Variants in COL24A1 observed in about 807,000 individuals in gnomAD.
COL24A1 encodes collagen alpha-1(XXIV) chain.
A neutral mutation model predicts 253.9 loss-of-function variants in COL24A1; 224 were observed. The ratio of observed to expected loss-of-function variants is 0.88; its 90% CI spans 0.79 to 0.99. COL24A1 has a LOEUF of 0.99. Among genes scored for constraint, COL24A1 ranks in the 50% least tolerant of loss-of-function variants. The pLI, the probability that COL24A1 is intolerant of heterozygous loss-of-function variation, is 0.00. For missense variants in COL24A1, 2,131 were observed against 2,068.5 expected, an observed-to-expected ratio of 1.03 and a Z score of -0.59; for synonymous variants, 685 against 673.7, an observed-to-expected ratio of 1.02 and a Z score of -0.26.
At chr1:85,960,797 T>G (rs1311135473) in intron 24 of COL24A1, 1 of 161,020 alleles carries the variant, frequency 6.2e-6, no homozygotes, top group Non-Finnish European at 1.3e-5. Flanking sequence ...GGCAGGAGAA[T>G]CGCTTGAACC....
rs568420240 is a variant in COL24A1, at chr1:86,048,992, C to A, written c.1905+1132G>T. ...AAGGATCAGAAAAGGATTGTTATCA[C>A]GAACAGCAGAGTAATTAACAACGTA... On this transcript the variant is annotated intron_variant, in intron 11 of 59. Coordinates refer to ENST00000370571, the MANE Select transcript of COL24A1 (RefSeq NM_152890.7). 5.3e-5 allele frequency among the ~76,000 whole-genome samples: 8 copies of A among 152,262 alleles called. No homozygotes were observed. In the South Asian group the frequency reaches 1.7e-3, roughly 32 times the overall value.
At chr1:86,007,659 A>C (rs1243684052) in intron 19 of COL24A1, among the ~76,000 whole-genome samples, 1 of 152,226 alleles carries the variant, frequency 6.6e-6, no homozygotes, top group Non-Finnish European at 1.5e-5. Flanking sequence ...CCATGAAAAA[A>C]CATGGAGGAA....
chr1:85,958,144 A>G (rs902948519), intron 24 of COL24A1, among the ~76,000 whole-genome samples: 3 of 150,610 alleles, frequency 2.0e-5, no homozygotes, highest in South Asian at 2.1e-4. Flanking sequence ...TTTACTGCTG[A>G]AAAAAAAACA....
chr1:85,911,975 AG>A (rs1293565131), intron 24 of COL24A1, among the ~76,000 whole-genome samples: 1 of 152,184 alleles, frequency 6.6e-6, no homozygotes, highest in Non-Finnish European at 1.5e-5. Context: ...GTCTCATAAC[AG>A]GGAGACAAAA....
intron 3 of COL24A1, among the ~76,000 whole-genome samples, chr1:86,122,006 C>T (rs1460974695): frequency 6.6e-6 from 1 of 152,090 alleles, no homozygotes; most frequent in Non-Finnish European, 1.5e-5. Context: ...TTCTGAGTCA[C>T]ATCTACTTCA....
intron 3 of COL24A1, among the ~76,000 whole-genome samples, chr1:86,117,431 C>T (rs979811252): frequency 2.0e-5 from 3 of 152,230 alleles, no homozygotes; most frequent in Non-Finnish European, 4.4e-5. Context: ...TCTTCAACTT[C>T]CCAGCTTCCA....
At chr1:85,794,433 G>C (rs1670612814) in intron 47 of COL24A1, among the ~76,000 whole-genome samples, 1 of 152,068 alleles carries the variant, frequency 6.6e-6, no homozygotes, top group African/African-American at 2.4e-5. Context: ...TTGTCATTAG[G>C]GTTAACTGTA....
intron 7 of COL24A1, among the ~76,000 whole-genome samples, chr1:86,071,989 G>A (rs898590035): frequency 6.6e-6 from 1 of 152,182 alleles, no homozygotes; most frequent in East Asian, 1.9e-4. Context: ...AAGATACTAT[G>A]CTTTTCCCAC....
intron 48 of COL24A1, among the ~76,000 whole-genome samples, chr1:85,785,013 G>C (rs1669533460): frequency 6.6e-6 from 1 of 152,226 alleles, no homozygotes; most frequent in South Asian, 2.1e-4. Flanking sequence ...TTACAAGTGT[G>C]AGCCACTGTG....
chr1:86,029,308 C>G (rs1698333226), intron 14 of COL24A1, among the ~76,000 whole-genome samples: 1 of 152,172 alleles, frequency 6.6e-6, no homozygotes, highest in Non-Finnish European at 1.5e-5. Context: ...AATCTGGGCT[C>G]AAACACTTAT....
rs186858119 is a variant in COL24A1 at position 86,076,178 on chromosome 1, T to G, written c.1708-12419A>C. Among the ~76,000 whole-genome samples the G allele has an allele frequency of 5.7e-4, 87 of 152,308 alleles. 1 individual carries two copies. Among genetic ancestry groups the G allele is most frequent in the Admixed American group, 5.5e-3 (84 of 15,298 alleles). On this transcript the variant is annotated intron_variant, in intron 7 of 59. Coordinates refer to ENST00000370571, the MANE Select transcript of COL24A1 (RefSeq NM_152890.7). ...TCAGCCCCAAATCTCCTTAAGCTGATAAGCAGCTTCAGCAAAGTCTCAGGA... is the reference window on the plus strand; with the variant it reads ...TCAGCCCCAAATCTCCTTAAGCTGAGAAGCAGCTTCAGCAAAGTCTCAGGA...
chr1:85,933,243 C>G (rs555029388), intron 24 of COL24A1, among the ~76,000 whole-genome samples: 12 of 152,188 alleles, frequency 7.9e-5, no homozygotes, highest in African/African-American at 2.9e-4. Flanking sequence ...CAAAATTACT[C>G]TATTCAGTAT....
chr1:85,773,959 G>A (rs1292017982), intron 53 of COL24A1, among the ~76,000 whole-genome samples: 1 of 152,144 alleles, frequency 6.6e-6, no homozygotes, highest in Non-Finnish European at 1.5e-5. Flanking sequence ...AGTTTTCAAA[G>A]GGAATGCTTC....
At chr1:85,922,947 G>A (rs1487120235) in intron 24 of COL24A1, among the ~76,000 whole-genome samples, 2 of 151,982 alleles carry the variant, frequency 1.3e-5, no homozygotes, top group Non-Finnish European at 2.9e-5. Flanking sequence ...GATACACATA[G>A]GCTCAAAATA....
At chr1:85,923,490 C>G (rs1462744993) in intron 24 of COL24A1, among the ~76,000 whole-genome samples, 1 of 152,162 alleles carries the variant, frequency 6.6e-6, no homozygotes, top group Non-Finnish European at 1.5e-5. Context: ...ACAGTGCAAT[C>G]AAATTAGAAC....
chr1:85,901,585 G>T (rs1162654804), intron 28 of COL24A1, among the ~76,000 whole-genome samples: 2 of 151,760 alleles, frequency 1.3e-5, no homozygotes, highest in East Asian at 3.9e-4. Context: ...CAAGGCGGGT[G>T]GGATCACCTG....
chr1:85,954,884 C>T (rs909788720), intron 24 of COL24A1, among the ~76,000 whole-genome samples: 8 of 152,310 alleles, frequency 5.3e-5, no homozygotes, highest in African/African-American at 1.9e-4. Flanking sequence ...ACAGTTCTTC[C>T]TGCATGGCTG....
intron 37 of COL24A1, among the ~76,000 whole-genome samples, chr1:85,862,767 C>T (rs1679300077): frequency 6.6e-6 from 1 of 152,174 alleles, no homozygotes; most frequent in African/African-American, 2.4e-5. Flanking sequence ...TCATTTACTC[C>T]ATAATGCCAC....
intron 47 of COL24A1, among the ~76,000 whole-genome samples, chr1:85,791,672 T>A (rs1670287917): frequency 6.6e-6 from 1 of 152,194 alleles, no homozygotes; most frequent in African/African-American, 2.4e-5. Context: ...GCAATCAGTA[T>A]ATTCAATGAA....
Sources: allele counts gnomAD v4.1 joint callset (sites outside exome capture counted in the v4.1 genomes callset), GRCh38; gene constraint gnomAD v4.1.1; transcripts MANE v1.5; gene names NCBI Gene and HGNC (gene_info 2026-07-23, HGNC 2026-07-21).